The following KBTBD7 variants were observed in gnomAD, a reference collection of about 807,000 sequenced individuals.
KBTBD7 encodes the protein kelch repeat and BTB domain containing 7, also known as kelch repeat and BTB domain-containing protein 7.
Under a neutral mutation model 50.3 loss-of-function variants are expected in KBTBD7, and 25 were observed. The observed-to-expected ratio is 0.50, with a 90% CI of 0.36 to 0.69. The LOEUF (loss-of-function observed/expected upper bound fraction) is 0.69, where lower values mean the gene tolerates loss of function less well. KBTBD7 is among the 30% of genes least tolerant of loss of function. The pLI, the probability that KBTBD7 is intolerant of heterozygous loss-of-function variation, is 0.00. For synonymous variants in KBTBD7, 305 were observed against 325.3 expected, an observed-to-expected ratio of 0.94 and a Z score of 0.67; for missense variants, 653 against 869.5, an observed-to-expected ratio of 0.75 and a Z score of 3.13.
In KBTBD7 at chr13:41,193,547, C is replaced by A. The variant is rs1388600829; in HGVS notation, c.711G>T (p.Arg237=). ...ACTGCACAGCTACATGGCATACAGTCCGCTCACTCTCTATGTCCAGACTAT... is the reference window on the plus strand; with the variant it reads ...ACTGCACAGCTACATGGCATACAGTACGCTCACTCTCTATGTCCAGACTAT... The part of the protein sequence containing the change: ...RLDSLDIESE[R]TVCHVAVQWL... Residue 237 remains arginine (R), a synonymous_variant, in exon 1 of 1, where the codon CGG becomes CGT. Transcript: ENST00000379483. This position sits in a 1 kb window ranked among gnomAD's most constrained non-coding sequence, Gnocchi z 5.7. 6.2e-7 allele frequency: 1 copy of A among 1,614,134 alleles called. No individual in the cohort carries two copies. The highest frequency in any genetic ancestry group is 1.7e-5 in the Admixed American group (1 of 60,010).
At position 41,193,194 on chromosome 13, in the gene KBTBD7, G is replaced by C; in HGVS notation, c.1064C>G (p.Pro355Arg). Residue 355 changes from proline to arginine, a missense_variant, in exon 1 of 1, where the codon CCC becomes CGC. Physicochemically the swap from Pro to Arg is moderately radical, Grantham distance 103. Around this residue, in one of 3 missense-constraint regions of KBTBD7, gnomAD observed 526 missense variants for 717.1 expected, o/e 0.73. Transcript: ENST00000379483. The surrounding 1 kb of genome is among the most constrained non-coding windows in gnomAD (Gnocchi z 5.7). ...CGAGTAAGGGTCATAGCAGAGAAAG[G>C]GATCTCTAGGATGTCCAAAGAAGAT... ...MVIFFGHPRD[P>R]FLCYDPYSGD... is the part of the protein sequence containing the mutation. 1 of 1,614,098 alleles carries C rather than the reference G, an allele frequency of 6.2e-7. No individual in the cohort carries two copies. Among genetic ancestry groups the C allele is most frequent in the Non-Finnish European group, 8.5e-7 (1 of 1,180,012 alleles).
In KBTBD7 at chr13:41,194,345, A is replaced by G; in HGVS notation, c.-88T>C. On this transcript the variant is annotated 5_prime_UTR_variant, in exon 1 of 1. Transcript: ENST00000379483. ...TCAACCTTCCCTCGCTGACGCTAAG[A>G]CAAGCCGCGTCCTGGAACAGACTGC... 6.6e-7 allele frequency: 1 copy of G among 1,514,598 alleles called. No homozygotes were observed. The highest frequency in any genetic ancestry group is 8.9e-7 in the Non-Finnish European group (1 of 1,126,754). The allele number at this position is 1,514,598 out of a possible 1,614,324, so 93.8% of individuals were successfully genotyped here. A position where few individuals can be genotyped will look rare whatever the true frequency, so the allele number is the denominator to read the frequency against.
chr13:41,194,226 C>T lies in KBTBD7; in HGVS notation c.32G>A (p.Arg11His). The T allele has an allele frequency of 6.2e-7, 1 of 1,614,050 alleles. No individual in the cohort carries two copies. The highest frequency in any genetic ancestry group is 8.5e-7 in the Non-Finnish European group (1 of 1,179,994). Residue 11 changes from arginine to histidine, a missense_variant, in exon 1 of 1, where the codon CGC becomes CAC. By Grantham distance (29) the Arg-to-His change is conservative. Transcript: ENST00000379483. MQSREDVPRS[R>H]RLASPRGGRR... Reference sequence around the variant, plus strand: ...CCCACCACGGGGACTGGCGAGGCGGCGAGAGCGCGGGACGTCTTCCCGGGA... The same window carrying T: ...CCCACCACGGGGACTGGCGAGGCGGTGAGAGCGCGGGACGTCTTCCCGGGA...
chr13:41,192,058 T>A lies in KBTBD7; in HGVS notation c.*145A>T. ...TTAAACAGGTCGATTTCATGGACTG[T>A]CTAAACCTTGTAGTATTTCAAAATA... On this transcript the variant is annotated 3_prime_UTR_variant, in exon 1 of 1. Transcript: ENST00000379483. 10 of 741,356 alleles carry A rather than the reference T, an allele frequency of 1.3e-5. No homozygotes were observed. In the South Asian group the frequency reaches 1.9e-4, roughly 14 times the overall value. The allele number at this position is 741,356 out of a possible 1,614,324, so 45.9% of individuals were successfully genotyped here.
In KBTBD7 at chr13:41,193,912, C is replaced by T; in HGVS notation, c.346G>A (p.Asp116Asn). Residue 116 changes from aspartate (D) to asparagine (N), a missense_variant, in exon 1 of 1, where the codon GAT becomes AAT. Physicochemically the swap from Asp to Asn is conservative, Grantham distance 23. Transcript: ENST00000379483. The surrounding 1 kb of genome is among the most constrained non-coding windows in gnomAD (Gnocchi z 5.7). ...ACCTCGAAGGACTCGGCGTCCACAT[C>T]GTGCATGGTCACGCTGGCCTGCTGG... ...ESQQASVTMH[D>N]VDAESFEVLV... is the part of the protein sequence containing the mutation. 3 of 1,614,002 alleles carry T rather than the reference C, an allele frequency of 1.9e-6. No homozygotes were observed. The highest frequency in any genetic ancestry group is 2.5e-6 in the Non-Finnish European group (3 of 1,179,912).
chr13:41,193,782 G>C lies in KBTBD7; in HGVS notation c.476C>G (p.Ala159Gly), dbSNP rs1183982729. The change falls in exon 1 of 1, where the codon GCC (alanine) becomes GGC (glycine). Residue 159 changes from alanine (A) to glycine (G), a missense_variant. Physicochemically the swap from Ala to Gly is moderately conservative, Grantham distance 60. Coordinates refer to ENST00000379483, the MANE Select transcript of KBTBD7 (RefSeq NM_032138.7). This position sits in a 1 kb window ranked among gnomAD's most constrained non-coding sequence, Gnocchi z 5.7. ...ACGTCGGGCTAAGAAGGAGGCACAGGCTTCCCGCACATATTCCAGCTGTAG... is the reference window on the plus strand; with the variant it reads ...ACGTCGGGCTAAGAAGGAGGCACAGCCTTCCCGCACATATTCCAGCTGTAG... ...DMLQLEYVRE[A>G]CASFLARRLD... is the part of the protein sequence containing the mutation. The C allele has an allele frequency of 6.2e-7, 1 of 1,614,116 alleles. No individual in the cohort carries two copies. The highest frequency in any genetic ancestry group is 8.5e-7 in the Non-Finnish European group (1 of 1,180,056).
chr13:41,193,502 T>C lies in KBTBD7; in HGVS notation c.756A>G (p.Lys252=), dbSNP rs1262599517. The change falls in exon 1 of 1, where the codon AAA becomes AAG. Residue 252 remains lysine, a synonymous_variant. Coordinates refer to ENST00000379483, the MANE Select transcript of KBTBD7 (RefSeq NM_032138.7). The surrounding 1 kb of genome is among the most constrained non-coding windows in gnomAD (Gnocchi z 5.7). Reference sequence around the variant, plus strand: ...CTTCTGCAGCACTGGGACCCCGCTCTTTGGCAGCAGCCTCCAGCCACTGCA... The same window carrying C: ...CTTCTGCAGCACTGGGACCCCGCTCCTTGGCAGCAGCCTCCAGCCACTGCA... ...VAVQWLEAAA[K]ERGPSAAEVF... 1 of 1,614,108 alleles carries C rather than the reference T, an allele frequency of 6.2e-7. No homozygotes were observed. Among genetic ancestry groups the C allele is most frequent in the African/African-American group, 1.3e-5 (1 of 74,930 alleles).
chr13:41,190,137 A>C lies in KBTBD7; in HGVS notation c.*2066T>G, dbSNP rs1454973251. The C allele has an allele frequency of 6.6e-6, 1 of 152,210 alleles. No homozygotes were observed. The highest frequency in any genetic ancestry group is 2.4e-5 in the African/African-American group (1 of 41,454). 9.4% of individuals were successfully genotyped at this position (152,210 alleles called of 1,614,324 possible). On this transcript the variant is annotated 3_prime_UTR_variant, in exon 1 of 1. Coordinates refer to ENST00000379483, the MANE Select transcript of KBTBD7 (RefSeq NM_032138.7). Reference sequence around the variant, plus strand: ...CATTGCCATCTCTCAATTTTTACAAAACAAAAAGCTACCAACAAGAAGTTA... The same window carrying C: ...CATTGCCATCTCTCAATTTTTACAACACAAAAAGCTACCAACAAGAAGTTA...
Position 41,194,001 on chromosome 13 carries a change from C to T in KBTBD7, c.257G>A (p.Arg86His). The change falls in exon 1 of 1, where the codon CGC (arginine) becomes CAC (histidine). Residue 86 changes from arginine to histidine, a missense_variant. Around this residue, in one of 3 missense-constraint regions of KBTBD7, gnomAD observed 119 missense variants for 125.0 expected, o/e 0.95. Transcript: ENST00000379483. ...GGGACACGCAGCTGCTAGCACGTTG[C>T]GATTGCAGGAAAAGAGGCGACCCGT... Reference protein sequence around the residue: ...PGTGRLFSCNRNVLAAACPYF... With the variant: ...PGTGRLFSCNHNVLAAACPYF... 1 of 1,614,186 alleles carries T rather than the reference C, an allele frequency of 6.2e-7. No individual in the cohort carries two copies.
Position 41,194,554 on chromosome 13 carries a change from G to C in KBTBD7, c.-297C>G, listed in dbSNP as rs9525462. On this transcript the variant is annotated 5_prime_UTR_variant, in exon 1 of 1. Coordinates refer to ENST00000379483, the MANE Select transcript of KBTBD7 (RefSeq NM_032138.7). ...TGCCGCGCTGGCGATCCCGCTAGGC[G>C]CCCGGGAGAACTACTGCTCCCAGGT... 361,361 of 494,592 alleles carry C rather than the reference G, an allele frequency of 0.73. 144,909 individuals carry two copies. Among genetic ancestry groups the C allele is most frequent in the Non-Finnish European group, 0.85 (227,662 of 266,976 alleles). 30.6% of individuals were successfully genotyped at this position (494,592 alleles called of 1,614,324 possible).
chr13:41,194,004 T>C lies in KBTBD7; in HGVS notation c.254A>G (p.Asn85Ser). Residue 85 changes from asparagine (N) to serine (S), a missense_variant, in exon 1 of 1, where the codon AAT becomes AGT. Around this residue, in one of 3 missense-constraint regions of KBTBD7, gnomAD observed 119 missense variants for 125.0 expected, o/e 0.95. Coordinates refer to ENST00000379483, the MANE Select transcript of KBTBD7 (RefSeq NM_032138.7). ...GPGTGRLFSC[N>S]RNVLAAACPY... ...ACACGCAGCTGCTAGCACGTTGCGATTGCAGGAAAAGAGGCGACCCGTGCC... is the reference window on the plus strand; with the variant it reads ...ACACGCAGCTGCTAGCACGTTGCGACTGCAGGAAAAGAGGCGACCCGTGCC... 2.5e-6 allele frequency: 4 copies of C among 1,614,172 alleles called. No individual in the cohort carries two copies. Among genetic ancestry groups the C allele is most frequent in the East Asian group, 2.2e-5 (1 of 44,872 alleles).
Position 41,194,407 on chromosome 13 carries a change from C to G in KBTBD7, c.-150G>C. The G allele has an allele frequency of 4.9e-6, 5 of 1,025,016 alleles. No homozygotes were observed. The South Asian group carries it at 8.4e-5, about 17-fold the overall frequency. 63.5% of individuals were successfully genotyped at this position (1,025,016 alleles called of 1,614,324 possible). A position where few individuals can be genotyped will look rare whatever the true frequency, so the allele number is the denominator to read the frequency against. On this transcript the variant is annotated 5_prime_UTR_variant, in exon 1 of 1. Transcript: ENST00000379483. ...CACTTCTGAATTCAGCCCTATCCCG[C>G]GGTGAGGCCTCCCTTTATTGCATAG...
In KBTBD7 at chr13:41,194,250, G is replaced by A. The variant is rs1421337220; in HGVS notation, c.8C>T (p.Ser3Phe). ...GCGAGAGCGCGGGACGTCTTCCCGG[G>A]ACTGCATGGTGGAGATGGCGACGGG... is the stretch of plus-strand genomic sequence containing the variant. MQ[S>F]REDVPRSRRL... Residue 3 changes from serine (S) to phenylalanine (F), a missense_variant, in exon 1 of 1, where the codon TCC becomes TTC. Ser to Phe is a radical substitution (Grantham distance 155). This residue lies in a region of KBTBD7 where 119 missense variants were observed against 125.0 expected (regional missense o/e 0.95). Coordinates refer to ENST00000379483, the MANE Select transcript of KBTBD7 (RefSeq NM_032138.7). 2.5e-6 allele frequency: 4 copies of A among 1,613,618 alleles called. No individual in the cohort carries two copies. The South Asian group carries it at 3.3e-5, about 13-fold the overall frequency.
At position 41,190,867 on chromosome 13, in the gene KBTBD7, T is replaced by C. The variant is rs1369088208; in HGVS notation, c.*1336A>G. On this transcript the variant is annotated 3_prime_UTR_variant, in exon 1 of 1. Transcript: ENST00000379483. ...ATGTATACCACTGTTTAGGGAAATATTTTAGAGGAAACATACTTTCACTAC... is the reference window on the plus strand; with the variant it reads ...ATGTATACCACTGTTTAGGGAAATACTTTAGAGGAAACATACTTTCACTAC... 4 of 152,124 alleles carry C rather than the reference T, an allele frequency of 2.6e-5. No homozygotes were observed. The highest frequency in any genetic ancestry group is 5.9e-5 in the Non-Finnish European group (4 of 67,970). 9.4% of individuals were successfully genotyped at this position (152,124 alleles called of 1,614,324 possible).
chr13:41,194,560 G>A lies in KBTBD7; in HGVS notation c.-303C>T. On this transcript the variant is annotated 5_prime_UTR_variant, in exon 1 of 1. Coordinates refer to ENST00000379483, the MANE Select transcript of KBTBD7 (RefSeq NM_032138.7). ...GCTGGCGATCCCGCTAGGCGCCCGGGAGAACTACTGCTCCCAGGTTGCCTT... is the reference window on the plus strand; with the variant it reads ...GCTGGCGATCCCGCTAGGCGCCCGGAAGAACTACTGCTCCCAGGTTGCCTT... 2.1e-6 allele frequency: 1 copy of A among 466,984 alleles called. No homozygotes were observed. The highest frequency in any genetic ancestry group is 4.0e-6 in the Non-Finnish European group (1 of 250,014). 28.9% of individuals were successfully genotyped at this position (466,984 alleles called of 1,614,324 possible).
At position 41,194,327 on chromosome 13, in the gene KBTBD7, T is replaced by TC. The variant is rs2031478881; in HGVS notation, c.-71dup. ...CCAGGCTCTGGCTCCTCCTCAACCT[T>TC]CCCTCGCTGACGCTAAGACAAGCCG... On this transcript the variant is annotated 5_prime_UTR_variant, in exon 1 of 1. Coordinates refer to ENST00000379483, the MANE Select transcript of KBTBD7 (RefSeq NM_032138.7). 1.9e-6 allele frequency: 3 copies of TC among 1,551,618 alleles called. No homozygotes were observed. The highest frequency in any genetic ancestry group is 2.6e-6 in the Non-Finnish European group (3 of 1,149,622).
At position 41,192,955 on chromosome 13, in the gene KBTBD7, C is replaced by T. The variant is rs1450050353; in HGVS notation, c.1303G>A (p.Gly435Ser). The part of the protein sequence containing the change: ...REGMDVAYLN[G>S]YIYILGGRDP... ...CGTCCCCCCAAAATGTAGATGTAGC[C>T]ATTGAGATATGCCACATCCATGCCC... is the stretch of plus-strand genomic sequence containing the variant. Residue 435 changes from glycine to serine, a missense_variant, in exon 1 of 1, where the codon GGC becomes AGC. Transcript: ENST00000379483. 6.2e-7 allele frequency: 1 copy of T among 1,614,036 alleles called. No homozygotes were observed. Among genetic ancestry groups the T allele is most frequent in the East Asian group, 2.2e-5 (1 of 44,898 alleles).
In KBTBD7 at chr13:41,191,295, C is replaced by T. The variant is rs1365292748; in HGVS notation, c.*908G>A. On this transcript the variant is annotated 3_prime_UTR_variant, in exon 1 of 1. Transcript: ENST00000379483. The stretch of plus-strand genomic sequence containing the variant: ...ATCATGACCAGTGGATAAAAATTTG[C>T]ATTACCCAATTATATGTCCAGGAAT... The T allele has an allele frequency of 6.6e-6, 1 of 151,572 alleles. No homozygotes were observed. 9.4% of individuals were successfully genotyped at this position (151,572 alleles called of 1,614,324 possible).
rs759275911 is a variant in KBTBD7, at chr13:41,192,527, T to C, written c.1731A>G (p.Gln577=). 2.5e-6 allele frequency: 4 copies of C among 1,614,188 alleles called. No homozygotes were observed. Among genetic ancestry groups the C allele is most frequent in the Non-Finnish European group, 3.4e-6 (4 of 1,180,012 alleles). Residue 577 remains glutamine, a synonymous_variant, in exon 1 of 1, where the codon CAA becomes CAG. Transcript: ENST00000379483. ...KLLLITSTTP[Q]WKKNRVTVYE... ...ACACTGTCACTCGGTTCTTTTTCCA[T>C]TGTGGGGTTGTAGAAGTGATGAGAA... is the stretch of plus-strand genomic sequence containing the variant.
Sources: allele counts gnomAD v4.1 joint callset, GRCh38; gene constraint gnomAD v4.1.1; regional missense constraint gnomAD v4.1.1; non-coding constraint Gnocchi (gnomAD v3.1); transcripts MANE v1.5; gene names NCBI Gene and HGNC (gene_info 2026-07-23, HGNC 2026-07-21).